NCKAP1L: variants seen among roughly 807,000 people sequenced by gnomAD.
NCKAP1L encodes NCK associated protein 1 like.
In NCKAP1L, 53 loss-of-function variants were observed where a neutral mutation model predicts 139.2. That is an observed-to-expected ratio of 0.38 (90% confidence interval 0.31 to 0.48). The LOEUF is 0.48. Ranked by LOEUF, NCKAP1L falls within the 20% of genes least tolerant of loss-of-function variation. The pLI is 0.98. For missense variants in NCKAP1L, 1,151 were observed against 1,381.9 expected, an observed-to-expected ratio of 0.83 and a Z score of 2.65; for synonymous variants, 468 against 499.7, an observed-to-expected ratio of 0.94 and a Z score of 0.85.
At chr12:54,512,377 C>T (rs981161269) in intron 9 of NCKAP1L, 16 of 280,820 alleles carry the variant, frequency 5.7e-5, no homozygotes, top group Non-Finnish European at 2.0e-5. Context: ...GTTGTGTGGC[C>T]TTGGGCAAGT....
At chr12:54,530,620 A>G (rs1440716406) in intron 22 of NCKAP1L, among the ~76,000 whole-genome samples, 1 of 152,226 alleles carries the variant, frequency 6.6e-6, no homozygotes, top group East Asian at 1.9e-4. Flanking sequence ...GCTGGGATGC[A>G]GTAAGGGGCA....
chr12:54,518,842 T>A, intron 14 of NCKAP1L, 72 bp from the exon 15 acceptor site: 1 of 1,499,178 alleles, frequency 6.7e-7, no homozygotes, highest in Non-Finnish European at 9.3e-7. Flanking sequence ...TTGAAGAGGA[T>A]CTACCATTCT....
intron 5 of NCKAP1L, 98 bp from the exon 6 acceptor site, chr12:54,509,571 T>G: frequency 1.2e-6 from 1 of 803,752 alleles, no homozygotes; most frequent in East Asian, 2.4e-5. Flanking sequence ...TGGTGGGGAG[T>G]GCCAGCCTAT....
chr12:54,538,537 C>A (rs1957131395), intron 29 of NCKAP1L, among the ~76,000 whole-genome samples: 1 of 152,182 alleles, frequency 6.6e-6, no homozygotes, highest in African/African-American at 2.4e-5. Flanking sequence ...CAGCCATAAA[C>A]AGCCTGATGA....
intron 3 of NCKAP1L, among the ~76,000 whole-genome samples, chr12:54,507,541 G>T (rs1454434077): frequency 6.6e-6 from 1 of 152,174 alleles, no homozygotes; most frequent in Non-Finnish European, 1.5e-5. Context: ...CTACCTATTA[G>T]ATAATCTACA....
At chr12:54,519,106 C>A in intron 15 of NCKAP1L, 81 bp from the exon 16 acceptor site, 1 of 1,568,030 alleles carries the variant, frequency 6.4e-7, no homozygotes, top group Non-Finnish European at 8.7e-7. Flanking sequence ...AAGACATACT[C>A]AGGCCAAACT....
intron 3 of NCKAP1L, among the ~76,000 whole-genome samples, chr12:54,504,270 G>A (rs553795349): frequency 9.7e-4 from 148 of 152,278 alleles, no homozygotes; most frequent in African/African-American, 3.2e-3. Flanking sequence ...TATTTTTTCA[G>A]ATGATACAAG....
chr12:54,542,693 C>A lies in NCKAP1L; in HGVS notation c.*8C>A, dbSNP rs374028927. 1.3e-6 allele frequency: 2 copies of A among 1,596,206 alleles called. No individual in the cohort carries two copies. Among genetic ancestry groups the A allele is most frequent in the East Asian group, 2.2e-5 (1 of 44,788 alleles). Reference sequence around the variant, plus strand: ...GCCTTCCACCTAAACTGAATGCCTGCCAGTACCCACTGAAGAGCCCTTTGG... The same window carrying A: ...GCCTTCCACCTAAACTGAATGCCTGACAGTACCCACTGAAGAGCCCTTTGG... On this transcript the variant is annotated 3_prime_UTR_variant, in exon 31 of 31. Transcript: ENST00000293373.
intron 7 of NCKAP1L, among the ~76,000 whole-genome samples, chr12:54,510,910 T>C (rs1487638274): frequency 6.6e-6 from 1 of 152,172 alleles, no homozygotes; most frequent in Non-Finnish European, 1.5e-5. Context: ...TGTCTTGGCC[T>C]CCCAAAGTGC....
At chr12:54,530,571 A>C (rs1957059938) in intron 22 of NCKAP1L, among the ~76,000 whole-genome samples, 1 of 152,236 alleles carries the variant, frequency 6.6e-6, no homozygotes, top group Admixed American at 6.5e-5. Flanking sequence ...AAAAACATAC[A>C]ATAAACATCA....
Position 54,544,854 on chromosome 12 carries a change from C to G in NCKAP1L, c.*2169C>G, listed in dbSNP as rs1326205494. The G allele has an allele frequency of 6.6e-6, 1 of 152,174 alleles. No individual in the cohort carries two copies. Among genetic ancestry groups the G allele is most frequent in the African/African-American group, 2.4e-5 (1 of 41,418 alleles). 9.4% of individuals were successfully genotyped at this position (152,174 alleles called of 1,614,324 possible). On this transcript the variant is annotated 3_prime_UTR_variant, in exon 31 of 31. Coordinates refer to ENST00000293373, the MANE Select transcript of NCKAP1L (RefSeq NM_005337.5). ...TCTCTACTAAAAATACCAAAACTAG[C>G]CGGGCGTGGTGGTGCATGCCTGTAG...
At chr12:54,541,239 G>A (rs1957155872) in intron 30 of NCKAP1L, among the ~76,000 whole-genome samples, 1 of 152,222 alleles carries the variant, frequency 6.6e-6, no homozygotes, top group Admixed American at 6.5e-5. Context: ...GGGAGGGAAA[G>A]ATGACAATCA....
At chr12:54,518,090 A>C (rs13377818) in intron 13 of NCKAP1L, 152 bp downstream of exon 13, 9,154 of 850,104 alleles carry the variant, frequency 0.011, 356 homozygotes, top group East Asian at 0.093. Context: ...TCTGTAATCC[A>C]AGCACTTTGG....
chr12:54,501,297 AG>A (rs1956796004), intron 3 of NCKAP1L, among the ~76,000 whole-genome samples: 1 of 152,166 alleles, frequency 6.6e-6, no homozygotes, highest in Non-Finnish European at 1.5e-5. Context: ...TTCCTTTTTA[AG>A]CTAAATAATA....
Position 54,523,816 on chromosome 12 carries a change from C to G in NCKAP1L, c.2025-9C>G, listed in dbSNP as rs200863797. 1 of 1,611,536 alleles carries G rather than the reference C, an allele frequency of 6.2e-7. No individual in the cohort carries two copies. Among genetic ancestry groups the G allele is most frequent in the Non-Finnish European group, 8.5e-7 (1 of 1,178,616 alleles). On this transcript the variant is annotated splice_polypyrimidine_tract_variant and intron_variant, in intron 19 of 30. Coordinates refer to ENST00000293373, the MANE Select transcript of NCKAP1L (RefSeq NM_005337.5). ...CAGACCTGTAATCCAGGCTCATTTT[C>G]CTTTCTAGCATGGACAAGCTACACC...
At chr12:54,525,499 G>C (rs759571803) in intron 20 of NCKAP1L, among the ~76,000 whole-genome samples, 1 of 152,122 alleles carries the variant, frequency 6.6e-6, no homozygotes, top group Non-Finnish European at 1.5e-5. Flanking sequence ...TGGTTTCCAG[G>C]CCCTGGAGCA....
At chr12:54,505,165 G>A (rs1413759791) in intron 3 of NCKAP1L, among the ~76,000 whole-genome samples, 1 of 152,162 alleles carries the variant, frequency 6.6e-6, no homozygotes, top group Non-Finnish European at 1.5e-5. Context: ...GATGTCACCC[G>A]GCTCCCCGCC....
chr12:54,514,614 C>T (rs1000745811), intron 9 of NCKAP1L, among the ~76,000 whole-genome samples: 4 of 152,142 alleles, frequency 2.6e-5, no homozygotes, highest in South Asian at 2.1e-4. Flanking sequence ...TGAGCCACCG[C>T]GCCTGGCCTT....
chr12:54,529,338 C>T (rs1957050314), intron 22 of NCKAP1L, among the ~76,000 whole-genome samples: 1 of 152,124 alleles, frequency 6.6e-6, no homozygotes, highest in Non-Finnish European at 1.5e-5. Flanking sequence ...GGAAGCCTTT[C>T]CCTTTCTCAA....
Sources: gnomAD v4.1 joint callset for allele counts (sites outside exome capture counted in the v4.1 genomes callset) on GRCh38, gnomAD v4.1.1 for gene constraint, MANE v1.5 for transcripts, NCBI Gene and HGNC (gene_info 2026-07-23, HGNC 2026-07-21) for gene names.